The following ZNF862 variants were observed in gnomAD, a reference collection of about 807,000 sequenced individuals.
ZNF862 encodes zinc finger protein 862.
Under a neutral mutation model 91.1 loss-of-function variants are expected in ZNF862, and 64 were observed. The observed-to-expected ratio is 0.70, with a 90% CI of 0.57 to 0.87. ZNF862 has a LOEUF of 0.87. Among genes scored for constraint, ZNF862 ranks in the 40% least tolerant of loss-of-function variants. The pLI is 0.00. For synonymous variants in ZNF862, 631 were observed against 618.1 expected (o/e 1.02, Z -0.31); for missense variants, 1,459 against 1,528.0 (o/e 0.95, Z 0.75).
intron 6 of ZNF862, 90 bp from the exon 7 acceptor site, chr7:149,860,293 G>A: frequency 8.5e-7 from 1 of 1,173,242 alleles, no homozygotes; most frequent in East Asian, 2.4e-5. Flanking sequence ...TTGCTTAAGG[G>A]ATACTTATTA....
intron 1 of ZNF862, among the ~76,000 whole-genome samples, chr7:149,840,595 A>C (rs931941154): frequency 4.0e-5 from 6 of 151,448 alleles, no homozygotes; most frequent in African/African-American, 1.2e-4. Flanking sequence ...CAGTCCTGCA[A>C]GCTCCATTCA....
Position 149,862,247 on chromosome 7 carries a change from G to T in ZNF862, c.3087G>T (p.Val1029=). The change falls in exon 7 of 8, where the codon GTG becomes GTT. Residue 1029 remains valine (V), a synonymous_variant. Coordinates refer to ENST00000223210, the MANE Select transcript of ZNF862 (RefSeq NM_001099220.3). ...TGCTAAGCAAGCTCATGGCCGTGGT[G>T]GTCTGTGTGCCCATCTCCACCTCTT... The part of the protein sequence containing the change: ...FPLLSKLMAV[V]VCVPISTSCC... 3.1e-6 allele frequency: 5 copies of T among 1,613,776 alleles called. No individual in the cohort carries two copies. The highest frequency in any genetic ancestry group is 4.2e-6 in the Non-Finnish European group (5 of 1,179,868).
In ZNF862 at chr7:149,838,394, G is replaced by A. The variant is rs1801590634; in HGVS notation, c.-218G>A. On this transcript the variant is annotated 5_prime_UTR_variant, in exon 1 of 8. Transcript: ENST00000223210. Reference sequence around the variant, plus strand: ...CTGGGCAGTGACCGTAAAGCTGTTCGCTCGGTGCGACGCAAGTCTCAGCTC... The same window carrying A: ...CTGGGCAGTGACCGTAAAGCTGTTCACTCGGTGCGACGCAAGTCTCAGCTC... The A allele has an allele frequency of 1.8e-5, 7 of 395,986 alleles. No individual in the cohort carries two copies. The highest frequency in any genetic ancestry group is 3.1e-5 in the Non-Finnish European group (7 of 225,002). 24.5% of individuals were successfully genotyped at this position (395,986 alleles called of 1,614,324 possible).
intron 3 of ZNF862, 55 bp downstream of exon 3, chr7:149,846,310 C>A: frequency 4.3e-6 from 6 of 1,395,906 alleles, no homozygotes; most frequent in Middle Eastern, 2.1e-4. Context: ...GGAGCATGGG[C>A]AGCCCCAGGA....
chr7:149,853,430 C>A (rs534760138), intron 5 of ZNF862, among the ~76,000 whole-genome samples: 1 of 152,148 alleles, frequency 6.6e-6, no homozygotes, highest in East Asian at 1.9e-4. Flanking sequence ...GCTGAAAATT[C>A]CCCTCCATTT....
At chr7:149,859,565 A>G in intron 6 of ZNF862, 39 bp downstream of exon 6, 1 of 1,498,896 alleles carries the variant, frequency 6.7e-7, no homozygotes, top group South Asian at 1.3e-5. Flanking sequence ...GACATGTGCC[A>G]GGGCCCAGGC....
rs1269399035 is a variant in ZNF862 at position 149,850,220 on chromosome 7, G to A, written c.999G>A (p.Val333=). 6.2e-7 allele frequency: 1 copy of A among 1,606,998 alleles called. No individual in the cohort carries two copies. Among genetic ancestry groups the A allele is most frequent in the Admixed American group, 1.7e-5 (1 of 58,740 alleles). Reference sequence around the variant, plus strand: ...CTGTGGTGTTTGAGGAGCTGCCGGTGGTGTTCGAGGATGTGGCAGTGTATT... The same window carrying A: ...CTGTGGTGTTTGAGGAGCTGCCGGTAGTGTTCGAGGATGTGGCAGTGTATT... ...EVPVVFEELP[V]VFEDVAVYFT... Residue 333 remains valine, a synonymous_variant, in exon 5 of 8, where the codon GTG becomes GTA. Transcript: ENST00000223210. This position sits in a 1 kb window ranked among gnomAD's most constrained non-coding sequence, Gnocchi z 4.2.
At chr7:149,852,968 AGATGAGCAGG>A (rs1338638948) in intron 5 of ZNF862, among the ~76,000 whole-genome samples, 3 of 152,242 alleles carry the variant, frequency 2.0e-5, no homozygotes, top group Non-Finnish European at 2.9e-5. Flanking sequence ...GCCCTAAAGA[AGATGAGCAGG>A]GGAGTTCGAG....
At position 149,838,477 on chromosome 7, in the gene ZNF862, T is replaced by G; in HGVS notation, c.-135T>G. On this transcript the variant is annotated 5_prime_UTR_variant, in exon 1 of 8. Transcript: ENST00000223210. ...GCCCCCCGACGTGAGAGAGCGAAGTTCTTGGGCCGCGCTCCCTCCCTACCT... is the reference window on the plus strand; with the variant it reads ...GCCCCCCGACGTGAGAGAGCGAAGTGCTTGGGCCGCGCTCCCTCCCTACCT... The G allele has an allele frequency of 1.9e-6, 1 of 529,808 alleles. No homozygotes were observed. Among genetic ancestry groups the G allele is most frequent in the Non-Finnish European group, 2.9e-6 (1 of 346,414 alleles). The allele number at this position is 529,808 out of a possible 1,614,324, so 32.8% of individuals were successfully genotyped here. A position where few individuals can be genotyped will look rare whatever the true frequency, so the allele number is the denominator to read the frequency against.
Position 149,843,367 on chromosome 7 carries a change from TTAAC to T in ZNF862, c.25-1255_25-1252del, listed in dbSNP as rs972058762. 2.0e-4 allele frequency among the ~76,000 whole-genome samples: 30 copies of T among 152,372 alleles called. 1 individual carries two copies. Among genetic ancestry groups the T allele is most frequent in the African/African-American group, 4.8e-4 (20 of 41,592 alleles). On this transcript the variant is annotated intron_variant, in intron 1 of 7. Transcript: ENST00000223210. The stretch of plus-strand genomic sequence containing the variant: ...TGATTTATTTCTTTTTAAAATTTCT[TTAAC>T]TAGGTAATGTTTTCATGGCACAAAA...
chr7:149,848,509 A>T lies in ZNF862; in HGVS notation c.939+77A>T. The T allele has an allele frequency of 2.4e-6, 3 of 1,243,700 alleles. No individual in the cohort carries two copies. In the East Asian group the frequency reaches 7.7e-5, roughly 32 times the overall value. 77.0% of individuals were successfully genotyped at this position (1,243,700 alleles called of 1,614,324 possible). A position where few individuals can be genotyped will look rare whatever the true frequency, so the allele number is the denominator to read the frequency against. ...AGAACGATGTATATCCATGCTGATG[A>T]TGGAAAAAAGAATACTAGTGATAAC... On this transcript the variant is annotated intron_variant, in intron 4 of 7. Transcript: ENST00000223210.
rs556327894 is a variant in ZNF862, at chr7:149,865,969, C to G, written c.*1685C>G. 2 of 146,470 alleles carry G rather than the reference C, an allele frequency of 1.4e-5. No homozygotes were observed. The highest frequency in any genetic ancestry group is 5.0e-5 in the African/African-American group (2 of 39,738). 9.1% of individuals were successfully genotyped at this position (146,470 alleles called of 1,614,324 possible). A position where few individuals can be genotyped will look rare whatever the true frequency, so the allele number is the denominator to read the frequency against. ...GCATCTGAGCACCTGAGTACCCTTCCTATTCCCAGGGTAGAAGCTGCTGTC... is the reference window on the plus strand; with the variant it reads ...GCATCTGAGCACCTGAGTACCCTTCGTATTCCCAGGGTAGAAGCTGCTGTC... On this transcript the variant is annotated 3_prime_UTR_variant, in exon 8 of 8. Coordinates refer to ENST00000223210, the MANE Select transcript of ZNF862 (RefSeq NM_001099220.3).
intron 5 of ZNF862, among the ~76,000 whole-genome samples, chr7:149,854,083 G>C (rs1222458882): frequency 6.6e-6 from 1 of 152,188 alleles, no homozygotes; most frequent in Admixed American, 6.5e-5. Context: ...TCTTAGGAGG[G>C]ACGGACTCCA....
chr7:149,841,485 G>A (rs371538739), intron 1 of ZNF862: 12 of 978,362 alleles, frequency 1.2e-5, no homozygotes, highest in East Asian at 2.3e-4. Flanking sequence ...ATTTATTTAC[G>A]TATTTGTTGA....
intron 1 of ZNF862, chr7:149,841,452 A>C (rs1801700520): frequency 1.0e-6 from 1 of 981,822 alleles, no homozygotes; most frequent in Non-Finnish European, 1.2e-6. Context: ...CCTTATCACT[A>C]AATAAAATTC....
intron 1 of ZNF862, among the ~76,000 whole-genome samples, chr7:149,843,068 A>C (rs1801759602): frequency 6.6e-6 from 1 of 152,256 alleles, no homozygotes; most frequent in Admixed American, 6.5e-5. Context: ...TTCTCAGGAA[A>C]GAAGGGTAAT....
At chr7:149,858,941 G>T (rs59957985) in intron 5 of ZNF862, 1 of 104,064 alleles carries the variant, frequency 9.6e-6, no homozygotes, top group African/African-American at 4.1e-5. Context: ...GGGCACACGC[G>T]TGGGCCAGCT....
At position 149,850,600 on chromosome 7, in the gene ZNF862, C is replaced by T. The variant is rs899785419; in HGVS notation, c.1117+262C>T. ...TATGTGCCAGATGAACACAGCTGAT[C>T]CATGGTCTCTGCTTTCAAGGGCCTA... On this transcript the variant is annotated intron_variant, in intron 5 of 7. Coordinates refer to ENST00000223210, the MANE Select transcript of ZNF862 (RefSeq NM_001099220.3). This position sits in a 1 kb window ranked among gnomAD's most constrained non-coding sequence, Gnocchi z 4.2. The T allele has an allele frequency of 1.2e-5, 5 of 415,054 alleles. No individual in the cohort carries two copies. Among genetic ancestry groups the T allele is most frequent in the African/African-American group, 1.0e-4 (5 of 49,182 alleles). The allele number at this position is 415,054 out of a possible 1,614,324, so 25.7% of individuals were successfully genotyped here.
In ZNF862 at chr7:149,861,555, G is replaced by A. The variant is rs753914330; in HGVS notation, c.2395G>A (p.Ala799Thr). ...GGCCAGCAGGAGGCGCACGCTGCACGCGCTGCTCGTGAGCTGGCCCGCCCT... is the reference window on the plus strand; with the variant it reads ...GGCCAGCAGGAGGCGCACGCTGCACACGCTGCTCGTGAGCTGGCCCGCCCT... ...WVASRRRTLH[A>T]LLVSWPALAR... The change falls in exon 7 of 8, where the codon GCG becomes ACG. Residue 799 changes from alanine to threonine, a missense_variant. Transcript: ENST00000223210. The surrounding 1 kb of genome is among the most constrained non-coding windows in gnomAD (Gnocchi z 6.7). 21 of 1,597,860 alleles carry A rather than the reference G, an allele frequency of 1.3e-5. No homozygotes were observed. Among genetic ancestry groups the A allele is most frequent in the Admixed American group, 3.5e-5 (2 of 57,746 alleles).
Sources: gnomAD v4.1 joint callset for allele counts (sites outside exome capture counted in the v4.1 genomes callset) on GRCh38, gnomAD v4.1.1 for gene constraint, Gnocchi (gnomAD v3.1) non-coding constraint, MANE v1.5 for transcripts, NCBI Gene and HGNC (gene_info 2026-07-23, HGNC 2026-07-21) for gene names.